The following SORL1 variants were observed in gnomAD, a reference collection of about 807,000 sequenced individuals.
The protein encoded by SORL1 is sortilin related receptor 1, also known as sortilin-related receptor.
SORL1 carries 127 observed loss-of-function variants against 273.7 expected under a neutral mutation model. That is an observed-to-expected ratio of 0.46 (90% CI 0.40 to 0.54). SORL1 has a LOEUF of 0.54. SORL1 is among the 20% of genes least tolerant of loss of function. The probability of loss-of-function intolerance (pLI) is 0.00; values close to 1 mark genes in which losing one functional copy is unlikely to be tolerated. For synonymous variants in SORL1, 1,031 were observed against 1,067.4 expected (o/e 0.97, Z 0.66); for missense variants, 2,494 against 2,846.1 (o/e 0.88, Z 2.81).
intron 27 of SORL1, among the ~76,000 whole-genome samples, chr11:121,587,170 G>A (rs1010804336): frequency 6.6e-6 from 1 of 152,168 alleles, no homozygotes; most frequent in African/African-American, 2.4e-5. Flanking sequence ...GTGTTAGTTG[G>A]GGTTAGTTGG....
At chr11:121,614,499 T>G (rs942945975) in intron 40 of SORL1, 4 of 191,160 alleles carry the variant, frequency 2.1e-5, no homozygotes, top group African/African-American at 9.5e-5. Flanking sequence ...GCTGTAACAC[T>G]GTGATGGGGA....
intron 28 of SORL1, 32 bp downstream of exon 28, chr11:121,588,183 C>G: frequency 6.2e-7 from 1 of 1,609,168 alleles, no homozygotes; most frequent in East Asian, 2.2e-5. Context: ...AGGTGACTCA[C>G]GGTCACTAAA....
rs1451445970 is a variant in SORL1 at position 121,532,555 on chromosome 11, A to G, written c.1685+3A>G. 1 of 1,613,510 alleles carries G rather than the reference A, an allele frequency of 6.2e-7. No homozygotes were observed. The highest frequency in any genetic ancestry group is 1.3e-5 in the African/African-American group (1 of 74,936). ...GGCATGGAAACCAACGAGCTAAAGT[A>G]AGTGTCTCTGATGAGGCCTTTTAAC... On this transcript the variant is annotated splice_donor_region_variant and intron_variant, in intron 12 of 47. Transcript: ENST00000260197.
At chr11:121,478,738 G>A (rs554733801) in intron 3 of SORL1, among the ~76,000 whole-genome samples, 23 of 151,174 alleles carry the variant, frequency 1.5e-4, no homozygotes, top group African/African-American at 5.1e-4. Flanking sequence ...GTAACTGTGT[G>A]TGTGCTTGTG....
Position 121,496,923 on chromosome 11 carries a change from C to G in SORL1, c.813C>G (p.Pro271=), listed in dbSNP as rs1199969704. Reference sequence around the variant, plus strand: ...CCATCTACATTGAACGACATGAACCCTCTGGCTACTCCACTGTCTTCCGAA... The same window carrying G: ...CCATCTACATTGAACGACATGAACCGTCTGGCTACTCCACTGTCTTCCGAA... ...PNTIYIERHE[P]SGYSTVFRST... The change falls in exon 6 of 48, where the codon CCC becomes CCG. Residue 271 remains proline (P), a synonymous_variant. Coordinates refer to ENST00000260197, the MANE Select transcript of SORL1 (RefSeq NM_003105.6). 2 of 1,613,956 alleles carry G rather than the reference C, an allele frequency of 1.2e-6. No homozygotes were observed. Among genetic ancestry groups the G allele is most frequent in the East Asian group, 2.2e-5 (1 of 44,882 alleles).
intron 25 of SORL1, among the ~76,000 whole-genome samples, chr11:121,581,547 A>T (rs74619929): frequency 7.8e-6 from 1 of 128,982 alleles, no homozygotes; most frequent in Non-Finnish European, 1.7e-5. Flanking sequence ...CCTTGTAATT[A>T]AAAAAAAAAT....
At chr11:121,547,199 A>G (rs962407130) in intron 14 of SORL1, among the ~76,000 whole-genome samples, 2 of 152,108 alleles carry the variant, frequency 1.3e-5, no homozygotes, top group African/African-American at 2.4e-5. Context: ...GACCAGCTTG[A>G]GACTGGAGAG....
intron 12 of SORL1, among the ~76,000 whole-genome samples, chr11:121,536,079 C>T (rs1479866031): frequency 6.6e-6 from 1 of 152,160 alleles, no homozygotes; most frequent in African/African-American, 2.4e-5. Context: ...TTCTTCGCTG[C>T]GGTTTGCTTG....
chr11:121,579,522 T>C (rs902402671), intron 25 of SORL1, among the ~76,000 whole-genome samples: 3 of 152,228 alleles, frequency 2.0e-5, no homozygotes, highest in Non-Finnish European at 2.9e-5. Context: ...GCTATTGTTT[T>C]TAAACGTGTA....
chr11:121,510,731 G>C (rs1565319738), intron 6 of SORL1, among the ~76,000 whole-genome samples: 1 of 152,162 alleles, frequency 6.6e-6, no homozygotes, highest in Non-Finnish European at 1.5e-5. Context: ...GGGATAATGG[G>C]TGTTGGGGGT....
In SORL1 at chr11:121,604,276, G is replaced by A. The variant is rs760291452; in HGVS notation, c.4603G>A (p.Asp1535Asn). The change falls in exon 33 of 48, where the codon GAC becomes AAC. Residue 1535 changes from aspartate to asparagine, a missense_variant. Asp to Asn is a conservative substitution (Grantham distance 23). This residue lies in a region of SORL1 where 1,609 missense variants were observed against 1,816.4 expected (regional missense o/e 0.89). Coordinates refer to ENST00000260197, the MANE Select transcript of SORL1 (RefSeq NM_003105.6). ...CTGCATTGTGCTCTCGGAGCGCTGCGACGGCTTCCTGGACTGCTCGGACGA... is the reference window on the plus strand; with the variant it reads ...CTGCATTGTGCTCTCGGAGCGCTGCAACGGCTTCCTGGACTGCTCGGACGA... ...EACIVLSERC[D>N]GFLDCSDESD... The A allele has an allele frequency of 1.2e-6, 2 of 1,614,046 alleles. No individual in the cohort carries two copies. Among genetic ancestry groups the A allele is most frequent in the Non-Finnish European group, 1.7e-6 (2 of 1,180,032 alleles).
intron 12 of SORL1, among the ~76,000 whole-genome samples, chr11:121,537,387 G>A (rs1369343770): frequency 1.3e-5 from 2 of 152,156 alleles, no homozygotes; most frequent in African/African-American, 4.8e-5. Flanking sequence ...CTGATGCTGG[G>A]GTGTGTTTGA....
At chr11:121,555,095 C>T (rs1044386280) in intron 17 of SORL1, 92 bp from the exon 18 acceptor site, 24 of 1,342,380 alleles carry the variant, frequency 1.8e-5, no homozygotes, top group Non-Finnish European at 2.3e-5. Flanking sequence ...CCAGTCCTGC[C>T]AGTTGAATAA....
At chr11:121,629,466 C>T in intron 47 of SORL1, 30 bp from the exon 48 acceptor site, 1 of 1,237,034 alleles carries the variant, frequency 8.1e-7, no homozygotes, top group Non-Finnish European at 1.2e-6. Context: ...TGTGTTGGAA[C>T]TCACCAAGGC....
Position 121,531,682 on chromosome 11 carries a change from A to C in SORL1, c.1597-782A>C, listed in dbSNP as rs114540982. 8.7e-4 allele frequency among the ~76,000 whole-genome samples: 133 copies of C among 152,296 alleles called. 1 individual carries two copies. The highest frequency in any genetic ancestry group is 3.2e-3 in the African/African-American group (133 of 41,564). The stretch of plus-strand genomic sequence containing the variant: ...AGTTTAACTCTCAGTTCAGTATGCT[A>C]AGCCTTTGTTACACTGGTTTGTGTC... On this transcript the variant is annotated intron_variant, in intron 11 of 47. Coordinates refer to ENST00000260197, the MANE Select transcript of SORL1 (RefSeq NM_003105.6).
chr11:121,615,454 A>G (rs901506268), intron 41 of SORL1, among the ~76,000 whole-genome samples: 3 of 152,042 alleles, frequency 2.0e-5, no homozygotes, highest in Non-Finnish European at 4.4e-5. Context: ...TGAACTCCTA[A>G]TATATTTATA....
At chr11:121,497,518 A>G (rs775188300) in intron 6 of SORL1, among the ~76,000 whole-genome samples, 1 of 152,230 alleles carries the variant, frequency 6.6e-6, no homozygotes, top group Non-Finnish European at 1.5e-5. Flanking sequence ...GTGGGAGTTA[A>G]TGCTCTAAGA....
Position 121,566,924 on chromosome 11 carries a change from T to C in SORL1, c.3050-16T>C. On this transcript the variant is annotated splice_polypyrimidine_tract_variant and intron_variant, in intron 21 of 47. Transcript: ENST00000260197. ...GTGTGTATTAACCTACCTGCTGCTGTTTGTCTTCCCTCCAGGAAGCAATGC... is the reference window on the plus strand; with the variant it reads ...GTGTGTATTAACCTACCTGCTGCTGCTTGTCTTCCCTCCAGGAAGCAATGC... 1 of 1,610,212 alleles carries C rather than the reference T, an allele frequency of 6.2e-7. No individual in the cohort carries two copies.
At chr11:121,497,335 G>A (rs375055965) in intron 6 of SORL1, among the ~76,000 whole-genome samples, 15 of 152,310 alleles carry the variant, frequency 9.8e-5, no homozygotes, top group African/African-American at 2.9e-4. Context: ...TGACAAAGAC[G>A]TATTTCTTTG....
Sources: gnomAD v4.1 joint callset for allele counts (sites outside exome capture counted in the v4.1 genomes callset) on GRCh38, gnomAD v4.1.1 for gene constraint, gnomAD v4.1.1 regional missense constraint, MANE v1.5 for transcripts, NCBI Gene and HGNC (gene_info 2026-07-23, HGNC 2026-07-21) for gene names.